The following CSMD1 variants were observed in gnomAD, a reference collection of about 807,000 sequenced individuals.
CSMD1 encodes CUB and sushi domain-containing protein 1.
CSMD1 carries 213 observed loss-of-function variants against 417.5 expected under a neutral mutation model. The observed-to-expected ratio is 0.51, with a 90% CI of 0.46 to 0.57. The LOEUF is 0.57. CSMD1 is among the 20% of genes least tolerant of loss of function. The pLI is 0.00. For missense variants in CSMD1, 6,923 were observed against 4,529.7 expected (o/e 1.53, Z -15.17); for synonymous variants, 2,862 against 1,736.8 (o/e 1.65, Z -16.11).
chr8:4,790,325 G>C (rs1251860400), intron 1 of CSMD1, among the ~76,000 whole-genome samples: 1 of 152,100 alleles, frequency 6.6e-6, no homozygotes, highest in Non-Finnish European at 1.5e-5. Context: ...AGAAATCAGA[G>C]ATGACACAAA....
intron 4 of CSMD1, among the ~76,000 whole-genome samples, chr8:4,006,233 T>C (rs1037121749): frequency 1.3e-5 from 2 of 152,164 alleles, no homozygotes; most frequent in Admixed American, 1.3e-4. Flanking sequence ...ATTGACTTTG[T>C]GCGCAGGAGT....
intron 49 of CSMD1, among the ~76,000 whole-genome samples, chr8:3,068,269 G>C (rs540597704): frequency 6.6e-6 from 1 of 151,844 alleles, no homozygotes; most frequent in African/African-American, 2.4e-5. Context: ...TCTTTTTGCA[G>C]TATGTTGAAT....
At chr8:4,758,976 T>C (rs12682084) in intron 1 of CSMD1, among the ~76,000 whole-genome samples, 2 of 150,548 alleles carry the variant, frequency 1.3e-5, no homozygotes, top group South Asian at 4.2e-4. Context: ...CAGAGTGAAG[T>C]GCATTGCATG....
intron 1 of CSMD1, among the ~76,000 whole-genome samples, chr8:4,729,191 CA>C (rs764052243): frequency 2.6e-5 from 4 of 151,786 alleles, no homozygotes; most frequent in Non-Finnish European, 5.9e-5. Context: ...TCTCAGGAAA[CA>C]AATAAAAATG....
At chr8:3,959,410 G>A (rs938893828) in intron 5 of CSMD1, among the ~76,000 whole-genome samples, 2 of 152,146 alleles carry the variant, frequency 1.3e-5, no homozygotes, top group African/African-American at 4.8e-5. Flanking sequence ...GAAGTGGGAA[G>A]ATCACTTGAA....
intron 7 of CSMD1, among the ~76,000 whole-genome samples, chr8:3,625,434 C>G (rs540486852): frequency 2.6e-5 from 4 of 152,154 alleles, no homozygotes; most frequent in African/African-American, 9.6e-5. Flanking sequence ...GCCCCTCTTT[C>G]CTCTCCCACT....
chr8:4,031,626 C>A (rs367889181), intron 4 of CSMD1, among the ~76,000 whole-genome samples: 1 of 149,116 alleles, frequency 6.7e-6, no homozygotes, highest in Non-Finnish European at 1.5e-5. Flanking sequence ...GTGGTCCAAG[C>A]ATGACTTTTC....
intron 10 of CSMD1, among the ~76,000 whole-genome samples, chr8:3,552,233 G>C (rs117524706): frequency 0.03 from 4,529 of 152,048 alleles, 97 homozygotes; most frequent in Non-Finnish European, 0.046. Flanking sequence ...AAAGGGCTGA[G>C]GAAATTACAA....
intron 5 of CSMD1, among the ~76,000 whole-genome samples, chr8:3,856,595 C>T (rs1804329984): frequency 6.6e-6 from 1 of 152,088 alleles, no homozygotes; most frequent in South Asian, 2.1e-4. Context: ...TTCTAATTTG[C>T]CATATTTTAT....
chr8:4,150,583 C>A (rs143832862), intron 3 of CSMD1, among the ~76,000 whole-genome samples: 27 of 152,286 alleles, frequency 1.8e-4, no homozygotes, highest in African/African-American at 6.3e-4. Flanking sequence ...AACTCAGGTA[C>A]AGGTAAAACA....
At chr8:3,787,882 G>A (rs189213097) in intron 5 of CSMD1, among the ~76,000 whole-genome samples, 3 of 152,316 alleles carry the variant, frequency 2.0e-5, no homozygotes, top group Non-Finnish European at 4.4e-5. Context: ...AAGTATGAGA[G>A]AGTGTTACTC....
intron 32 of CSMD1, among the ~76,000 whole-genome samples, chr8:3,200,719 G>C (rs572959709): frequency 6.6e-6 from 1 of 152,036 alleles, no homozygotes; most frequent in Admixed American, 6.6e-5. Flanking sequence ...TATTTAATGT[G>C]TATCCTCTGA....
At chr8:3,817,249 C>CTTTTTT (rs1469642230) in intron 5 of CSMD1, among the ~76,000 whole-genome samples, 1 of 72,948 alleles carries the variant, frequency 1.4e-5, no homozygotes, top group Non-Finnish European at 2.8e-5. Flanking sequence ...ATATCTTCTT[C>CTTTTTT]TTCTTTTTTT....
chr8:3,355,590 A>C (rs997162592), intron 21 of CSMD1, among the ~76,000 whole-genome samples: 2 of 152,128 alleles, frequency 1.3e-5, no homozygotes, highest in African/African-American at 4.8e-5. Flanking sequence ...AGCTGTTTCC[A>C]CAGAACTGCA....
At chr8:4,453,156 C>T (rs1279781299) in intron 2 of CSMD1, among the ~76,000 whole-genome samples, 1 of 151,864 alleles carries the variant, frequency 6.6e-6, no homozygotes, top group Admixed American at 6.6e-5. Flanking sequence ...GCAAATATGG[C>T]ACAAGCCCGT....
At chr8:4,480,196 A>AAC (rs1291613293) in intron 2 of CSMD1, among the ~76,000 whole-genome samples, 2 of 151,320 alleles carry the variant, frequency 1.3e-5, no homozygotes, top group Admixed American at 6.6e-5. Flanking sequence ...ACAAAAAAAA[A>AAC]AAAACAAAAA....
chr8:3,869,352 T>C (rs971064631), intron 5 of CSMD1, among the ~76,000 whole-genome samples: 17 of 152,204 alleles, frequency 1.1e-4, no homozygotes, highest in African/African-American at 4.1e-4. Context: ...ATATCCTGTA[T>C]AATAAAATTA....
At chr8:4,563,625 C>G (rs1353428840) in intron 2 of CSMD1, among the ~76,000 whole-genome samples, 3 of 152,166 alleles carry the variant, frequency 2.0e-5, no homozygotes, top group Non-Finnish European at 4.4e-5. Flanking sequence ...TTAAAACCTT[C>G]CTTCCTTAAA....
chr8:4,801,042 C>A (rs557035299), intron 1 of CSMD1, among the ~76,000 whole-genome samples: 1 of 151,888 alleles, frequency 6.6e-6, no homozygotes, highest in Non-Finnish European at 1.5e-5. Flanking sequence ...CCATTTAATA[C>A]GTAAAAAGTA....
Sources: gnomAD v4.1 joint callset for allele counts (sites outside exome capture counted in the v4.1 genomes callset) on GRCh38, gnomAD v4.1.1 for gene constraint, MANE v1.5 for transcripts, NCBI Gene and HGNC (gene_info 2026-07-23, HGNC 2026-07-21) for gene names.